SRSF11: variants seen among roughly 807,000 people sequenced by gnomAD.
SRSF11 encodes the protein serine/arginine-rich splicing factor 11.
Under a neutral mutation model 56.0 loss-of-function variants are expected in SRSF11, and 9 were observed. The ratio of observed to expected loss-of-function variants is 0.16; its 90% CI spans 0.10 to 0.28. The LOEUF (loss-of-function observed/expected upper bound fraction) is 0.28. Ranked by LOEUF, SRSF11 falls within the 10% of genes least tolerant of loss-of-function variation. SRSF11 has a pLI of 1.00. For synonymous variants in SRSF11, 222 were observed against 215.3 expected, an observed-to-expected ratio of 1.03 and a Z score of -0.27; for missense variants, 421 against 600.7, an observed-to-expected ratio of 0.70 and a Z score of 3.13.
chr1:70,228,626 G>A, intron 2 of SRSF11, 71 bp downstream of exon 2: 1 of 1,470,220 alleles, frequency 6.8e-7, no homozygotes, highest in Non-Finnish European at 9.0e-7. Flanking sequence ...TGTAGAGTGA[G>A]CATTAGTAGC....
At chr1:70,208,622 G>C (rs182463373) in intron 1 of SRSF11, among the ~76,000 whole-genome samples, 1 of 149,800 alleles carries the variant, frequency 6.7e-6, no homozygotes, top group East Asian at 2.1e-4. Context: ...ACAGGTGTGA[G>C]CCACCGCACC....
In SRSF11 at chr1:70,230,890, A is replaced by G. The variant is rs1440283815; in HGVS notation, c.338-1378A>G. 4 of 1,181,762 alleles carry G rather than the reference A, an allele frequency of 3.4e-6. No individual in the cohort carries two copies. In the Admixed American group the frequency reaches 1.6e-4, roughly 47 times the overall value. 73.2% of individuals were successfully genotyped at this position (1,181,762 alleles called of 1,614,324 possible). ...TTTGTAGGTTTGTTAATATTGATGCATTACTGCCCTATATCTAAATGATCT... is the reference window on the plus strand; with the variant it reads ...TTTGTAGGTTTGTTAATATTGATGCGTTACTGCCCTATATCTAAATGATCT... On this transcript the variant is annotated intron_variant, in intron 2 of 11. Transcript: ENST00000370949.
At chr1:70,217,994 G>GT (rs1183229896), upstream of SRSF11, among the ~76,000 whole-genome samples, 1 of 151,804 alleles carries the variant, frequency 6.6e-6, no homozygotes, top group Non-Finnish European at 1.5e-5. Context: ...TGTGTTTTTT[G>GT]TTTTTTGTTT....
At chr1:70,234,650 G>A in intron 3 of SRSF11, 46 bp from the exon 4 acceptor site, 1 of 1,485,254 alleles carries the variant, frequency 6.7e-7, no homozygotes, top group Non-Finnish European at 9.2e-7. Flanking sequence ...CCTGGTATAA[G>A]GAACTGAAAT....
chr1:70,217,195 G>C (rs1186928906), upstream of SRSF11, among the ~76,000 whole-genome samples: 3 of 151,902 alleles, frequency 2.0e-5, no homozygotes, highest in Non-Finnish European at 4.4e-5. Context: ...TTTCGCTCTT[G>C]TTGCCCAGGC....
chr1:70,220,994 T>G (rs1189677082), upstream of SRSF11: 1 of 152,194 alleles, frequency 6.6e-6, no homozygotes, highest in Non-Finnish European at 1.5e-5. Context: ...ATTGAAAATT[T>G]CGGGACATTT....
chr1:70,238,879 A>G (rs1317510642), intron 6 of SRSF11, among the ~76,000 whole-genome samples: 4 of 152,198 alleles, frequency 2.6e-5, no homozygotes, highest in African/African-American at 9.6e-5. Context: ...AGGCAAAGGA[A>G]CCTTTAGCTA....
At chr1:70,237,292 TATC>T in intron 5 of SRSF11, 130 bp from the exon 6 acceptor site, 1 of 1,096,598 alleles carries the variant, frequency 9.1e-7, no homozygotes, top group South Asian at 1.5e-5. Flanking sequence ...TTACCAAAGT[TATC>T]ATGGAGTCCT....
chr1:70,235,557 G>A lies in SRSF11; in HGVS notation c.590+7G>A, dbSNP rs573335433. Reference sequence around the variant, plus strand: ...TGAGTACTGTTGATCCCAAGTAAGCGTTTTTTCTTTGTTTTCATTGGTGAT... The same window carrying A: ...TGAGTACTGTTGATCCCAAGTAAGCATTTTTTCTTTGTTTTCATTGGTGAT... On this transcript the variant is annotated splice_region_variant and intron_variant, in intron 5 of 11. Coordinates refer to ENST00000370949, the MANE Select transcript of SRSF11 (RefSeq NM_001350605.2). 3.3e-5 allele frequency: 53 copies of A among 1,608,836 alleles called. 1 individual carries two copies. The highest frequency in any genetic ancestry group is 1.6e-4 in the East Asian group (7 of 44,710).
intron 1 of SRSF11, among the ~76,000 whole-genome samples, chr1:70,211,963 T>A (rs1020481932): frequency 6.6e-6 from 1 of 152,070 alleles, no homozygotes; most frequent in Non-Finnish European, 1.5e-5. Flanking sequence ...ATCTCATCCC[T>A]CCCCTAAAAT....
In SRSF11 at chr1:70,235,319, T is replaced by TTTTTG. The variant is rs199602336; in HGVS notation, c.541-162_541-158dup. 5.3e-5 allele frequency among the ~76,000 whole-genome samples: 8 copies of TTTTTG among 152,078 alleles called. No individual in the cohort carries two copies. The South Asian group carries it at 6.2e-4, about 12-fold the overall frequency. ...ATACTGTAGCTACTGATGTCACCGG[T>TTTTTG]TTTTGTTTTGTTTTGTTTTGTTTTT... On this transcript the variant is annotated intron_variant, in intron 4 of 11. Transcript: ENST00000370949.
intron 5 of SRSF11, among the ~76,000 whole-genome samples, chr1:70,236,792 ATTTTTTTTTTTT>A (rs35602423): frequency 3.3e-4 from 28 of 83,736 alleles, no homozygotes; most frequent in Admixed American, 3.1e-3. Context: ...TATGTCATAA[ATTTTTTTTTTTT>A]TTTTTTTTTT....
At chr1:70,220,573 T>C (rs1447634398), upstream of SRSF11, among the ~76,000 whole-genome samples, 1 of 152,202 alleles carries the variant, frequency 6.6e-6, no homozygotes, top group Non-Finnish European at 1.5e-5. Context: ...ATTGGCTGGG[T>C]GCAGTGGCTC....
At chr1:70,211,133 A>G (rs1669524875) in intron 1 of SRSF11, among the ~76,000 whole-genome samples, 1 of 152,100 alleles carries the variant, frequency 6.6e-6, no homozygotes, top group African/African-American at 2.4e-5. Context: ...TCTCTGACTT[A>G]AAGTCTCAGA....
rs182213927 is a variant in SRSF11, at chr1:70,237,694, A to G, written c.718+142A>G. 143 of 1,192,812 alleles carry G rather than the reference A, an allele frequency of 1.2e-4. No individual in the cohort carries two copies. In the African/African-American group the frequency reaches 2.0e-3, roughly 17 times the overall value. The allele number at this position is 1,192,812 out of a possible 1,614,324, so 73.9% of individuals were successfully genotyped here. On this transcript the variant is annotated intron_variant, in intron 6 of 11. Transcript: ENST00000370949. Reference sequence around the variant, plus strand: ...AAGATTGTATAGTGGAGTGCCACTCAGACGTATTTGGAGACAATTCTGGTG... The same window carrying G: ...AAGATTGTATAGTGGAGTGCCACTCGGACGTATTTGGAGACAATTCTGGTG...
chr1:70,210,084 CTT>C (rs1399296223), intron 1 of SRSF11, among the ~76,000 whole-genome samples: 3 of 151,888 alleles, frequency 2.0e-5, no homozygotes, highest in Admixed American at 1.3e-4. Flanking sequence ...CTCTGCTTCT[CTT>C]ATATACTTTT....
intron 1 of SRSF11, among the ~76,000 whole-genome samples, chr1:70,212,877 G>A (rs1377278312): frequency 6.6e-6 from 1 of 151,984 alleles, no homozygotes; most frequent in Non-Finnish European, 1.5e-5. Flanking sequence ...ATAGGGAGAT[G>A]CTGTCTGTAC....
In SRSF11 at chr1:70,250,533, T is replaced by C. The variant is rs199736281; in HGVS notation, c.1257+30T>C. 60 of 1,607,482 alleles carry C rather than the reference T, an allele frequency of 3.7e-5. No individual in the cohort carries two copies. In the African/African-American group the frequency reaches 7.1e-4, roughly 19 times the overall value. ...GTTTACAAATTGATTTATTTTTATA[T>C]TTGGGGTGATGTTGGTACTTTCAGA... On this transcript the variant is annotated intron_variant, in intron 11 of 11. Transcript: ENST00000370949.
chr1:70,232,441 A>G (rs1339973501), intron 3 of SRSF11, 64 bp downstream of exon 3: 4 of 1,291,690 alleles, frequency 3.1e-6, no homozygotes, highest in Non-Finnish European at 4.3e-6. Context: ...AAAGCTAAAC[A>G]TATTTGAACT....
Sources: gnomAD v4.1 joint callset for allele counts (sites outside exome capture counted in the v4.1 genomes callset) on GRCh38, gnomAD v4.1.1 for gene constraint, MANE v1.5 for transcripts, NCBI Gene and HGNC (gene_info 2026-07-23, HGNC 2026-07-21) for gene names.